Variants in LIPC observed in about 807,000 individuals in gnomAD.
The protein encoded by LIPC is hepatic triacylglycerol lipase.
LIPC carries 44 observed loss-of-function variants against 50.7 expected under a neutral mutation model. The ratio of observed to expected loss-of-function variants is 0.87; its 90% CI spans 0.68 to 1.11. The LOEUF (loss-of-function observed/expected upper bound fraction) is 1.11, where lower values mean the gene tolerates loss of function less well. LIPC is among the 50% of genes most tolerant of loss of function. LIPC has a pLI of 0.00. For missense variants in LIPC, 697 were observed against 648.2 expected (o/e 1.08, Z -0.82); for synonymous variants, 271 against 256.4 (o/e 1.06, Z -0.54).
At chr15:58,449,054 G>A (rs1038403886) in intron 1 of LIPC, among the ~76,000 whole-genome samples, 28 of 151,590 alleles carry the variant, frequency 1.8e-4, no homozygotes, top group Non-Finnish European at 3.2e-4. Flanking sequence ...AGGTGCACAC[G>A]ACGGGCAGTG....
chr15:58,521,569 C>G (rs1181071310), intron 1 of LIPC: 1 of 152,190 alleles, frequency 6.6e-6, no homozygotes, highest in African/African-American at 2.4e-5. Context: ...AGCCGCGTGT[C>G]GCAGGATGGA....
chr15:58,459,017 C>A (rs1419455775), intron 1 of LIPC, among the ~76,000 whole-genome samples: 1 of 152,170 alleles, frequency 6.6e-6, no homozygotes, highest in African/African-American at 2.4e-5. Flanking sequence ...GGTCATAGAA[C>A]ATTGAGAAGG....
At chr15:58,443,304 A>G (rs868822183) in intron 1 of LIPC, among the ~76,000 whole-genome samples, 1 of 152,110 alleles carries the variant, frequency 6.6e-6, no homozygotes, top group Non-Finnish European at 1.5e-5. Flanking sequence ...CTCACCTTAC[A>G]CAACTGTGAG....
At chr15:58,452,662 G>A (rs1314826857) in intron 1 of LIPC, among the ~76,000 whole-genome samples, 1 of 152,080 alleles carries the variant, frequency 6.6e-6, no homozygotes, top group African/African-American at 2.4e-5. Context: ...ATCTGCAGTG[G>A]GGAGGGGATA....
At chr15:58,438,821 T>C (rs2140635854) in intron 1 of LIPC, among the ~76,000 whole-genome samples, 1 of 152,346 alleles carries the variant, frequency 6.6e-6, no homozygotes, top group Middle Eastern at 3.4e-3. Context: ...GACTGGAAGA[T>C]GAGGCTGTTG....
chr15:58,528,098 C>T (rs1395462510), intron 1 of LIPC, among the ~76,000 whole-genome samples: 1 of 151,344 alleles, frequency 6.6e-6, no homozygotes, highest in Admixed American at 6.6e-5. Flanking sequence ...CGAGACCACC[C>T]CATTGCACTC....
At chr15:58,493,065 T>G (rs1350439748) in intron 1 of LIPC, among the ~76,000 whole-genome samples, 6 of 152,186 alleles carry the variant, frequency 3.9e-5, no homozygotes, top group Non-Finnish European at 7.3e-5. Flanking sequence ...TGAAGAAAAC[T>G]GATTTAATAA....
At position 58,435,204 on chromosome 15, in the gene LIPC, T is replaced by A. The variant is rs192563818; in HGVS notation, c.88+3084T>A. The A allele has an allele frequency of 2.6e-5, 4 of 152,328 alleles. No individual in the cohort carries two copies. In the East Asian group the frequency reaches 7.7e-4, roughly 29 times the overall value. 9.4% of individuals were successfully genotyped at this position (152,328 alleles called of 1,614,324 possible). ...TTTTAAATGGAGAAGAGTGACATTG[T>A]TTTACAAAGAAATGTTGCAAATCTC... is the stretch of plus-strand genomic sequence containing the variant. On this transcript the variant is annotated intron_variant, in intron 1 of 8. Coordinates refer to ENST00000299022, the MANE Select transcript of LIPC (RefSeq NM_000236.3).
chr15:58,518,928 C>G (rs4775068), intron 1 of LIPC, among the ~76,000 whole-genome samples: 149,175 of 151,550 alleles, frequency 0.98, 73,462 homozygotes, highest in Middle Eastern at 1. Flanking sequence ...TATACACTTA[C>G]GATTCGTCAC....
rs1892849272 is a variant in LIPC at position 58,528,168 on chromosome 15, G to A, written c.89-10165G>A. 2.0e-5 allele frequency among the ~76,000 whole-genome samples: 3 copies of A among 151,850 alleles called. No homozygotes were observed. The South Asian group carries it at 6.2e-4, about 32-fold the overall frequency. ...AAAAAAAAAAAAAAGAATAACCTTGGGCTGTTTGGCCAAGTTAATGCTTAA... is the reference window on the plus strand; with the variant it reads ...AAAAAAAAAAAAAAGAATAACCTTGAGCTGTTTGGCCAAGTTAATGCTTAA... On this transcript the variant is annotated intron_variant, in intron 1 of 8. Transcript: ENST00000299022.
rs559895701 is a variant in LIPC, at chr15:58,543,423, G to A, written c.574+772G>A. Among the ~76,000 whole-genome samples, 50 of 152,046 alleles carry A rather than the reference G, an allele frequency of 3.3e-4. No homozygotes were observed. In the South Asian group the frequency reaches 5.0e-3, roughly 15 times the overall value. ...CCTTCCCATAGCTCTAGGCTTCAACGACACAAGGTTTTTCTCTACTTCACA... is the reference window on the plus strand; with the variant it reads ...CCTTCCCATAGCTCTAGGCTTCAACAACACAAGGTTTTTCTCTACTTCACA... On this transcript the variant is annotated intron_variant, in intron 4 of 8. Coordinates refer to ENST00000299022, the MANE Select transcript of LIPC (RefSeq NM_000236.3).
chr15:58,546,151 CCTGTCCCCCAGCAGG>C (rs1893523180), intron 5 of LIPC, among the ~76,000 whole-genome samples, 176 bp downstream of exon 5: 1 of 152,222 alleles, frequency 6.6e-6, no homozygotes, highest in South Asian at 2.1e-4. Context: ...GGCAAGGGTG[CCTGTCCCCCAGCAGG>C]CCACTCCTGG....
chr15:58,498,397 G>A lies in LIPC; in HGVS notation c.89-39936G>A, dbSNP rs769011144. Among the ~76,000 whole-genome samples, 21 of 152,056 alleles carry A rather than the reference G, an allele frequency of 1.4e-4. No homozygotes were observed. In the East Asian group the frequency reaches 1.5e-3, roughly 11 times the overall value. Reference sequence around the variant, plus strand: ...TCTGAGAATCACTTTGAGCCCCTGCGTTATCAATAGGGGCCATATTGCCCC... The same window carrying A: ...TCTGAGAATCACTTTGAGCCCCTGCATTATCAATAGGGGCCATATTGCCCC... On this transcript the variant is annotated intron_variant, in intron 1 of 8. Coordinates refer to ENST00000299022, the MANE Select transcript of LIPC (RefSeq NM_000236.3).
intron 1 of LIPC, among the ~76,000 whole-genome samples, chr15:58,489,228 G>GGGC (rs1200460949): frequency 9.7e-6 from 1 of 103,378 alleles, no homozygotes; most frequent in African/African-American, 3.9e-5. Flanking sequence ...GGGGGCGGGG[G>GGGC]GGCGGCTTAC....
intron 1 of LIPC, chr15:58,522,296 G>C (rs528536266): frequency 1.3e-5 from 2 of 153,136 alleles, no homozygotes; most frequent in South Asian, 2.1e-4. Context: ...GGGTAGCATG[G>C]GACAAGCCAT....
chr15:58,536,119 C>T (rs1265398386), intron 1 of LIPC, among the ~76,000 whole-genome samples: 1 of 152,122 alleles, frequency 6.6e-6, no homozygotes. Flanking sequence ...GGAGGCAGTA[C>T]GGTGCTGAGA....
chr15:58,476,825 A>G (rs1891016250), intron 1 of LIPC, among the ~76,000 whole-genome samples: 1 of 152,248 alleles, frequency 6.6e-6, no homozygotes, highest in African/African-American at 2.4e-5. Context: ...GTACTTGAGA[A>G]GCTGTAAAAT....
chr15:58,476,607 T>C (rs1891007905), intron 1 of LIPC, among the ~76,000 whole-genome samples: 1 of 152,198 alleles, frequency 6.6e-6, no homozygotes, highest in South Asian at 2.1e-4. Flanking sequence ...AGTGTGGACC[T>C]CACCCTGCCG....
intron 6 of LIPC, among the ~76,000 whole-genome samples, chr15:58,550,498 G>C (rs149185003): frequency 5.4e-4 from 82 of 152,296 alleles, no homozygotes; most frequent in African/African-American, 1.9e-3. Flanking sequence ...GGATCCCTTT[G>C]TTATTAAGGA....
Sources: gnomAD v4.1 joint callset for allele counts (sites outside exome capture counted in the v4.1 genomes callset) on GRCh38, gnomAD v4.1.1 for gene constraint, MANE v1.5 for transcripts, NCBI Gene and HGNC (gene_info 2026-07-23, HGNC 2026-07-21) for gene names.